The following NUP188 variants were observed in gnomAD, a reference collection of about 807,000 sequenced individuals.
NUP188 encodes nucleoporin NUP188.
NUP188 carries 97 observed loss-of-function variants against 223.0 expected under a neutral mutation model. The observed-to-expected ratio is 0.43, with a 90% CI of 0.37 to 0.51. The LOEUF is 0.51. Among genes scored for constraint, NUP188 ranks in the 20% least tolerant of loss-of-function variants. The pLI, the probability that NUP188 is intolerant of heterozygous loss-of-function variation, is 0.00. For synonymous variants in NUP188, 869 were observed against 828.0 expected, an observed-to-expected ratio of 1.05 and a Z score of -0.85; for missense variants, 1,947 against 2,175.6, an observed-to-expected ratio of 0.89 and a Z score of 2.09.
At chr9:128,963,282 A>ATTT (rs1177267491) in intron 8 of NUP188, among the ~76,000 whole-genome samples, 15 of 138,770 alleles carry the variant, frequency 1.1e-4, no homozygotes, top group East Asian at 4.1e-4. Flanking sequence ...GTAAATGTAA[A>ATTT]TTTTTTTTTT....
At position 128,968,620 on chromosome 9, in the gene NUP188, G is replaced by A; in HGVS notation, c.700G>A (p.Val234Ile). ...TGAGATGGCACCCAGTGACTTACTT[G>A]TATTAACCAAGATGTTTAAAGAGCA... ...YFEMAPSDLLVLTKMFKEQGF... is the reference protein window; with the variant it reads ...YFEMAPSDLLILTKMFKEQGF... The change falls in exon 9 of 44, where the codon GTA (valine) becomes ATA (isoleucine). Residue 234 changes from valine (V) to isoleucine (I), a missense_variant. Coordinates refer to ENST00000372577, the MANE Select transcript of NUP188 (RefSeq NM_015354.3). The A allele has an allele frequency of 1.2e-6, 2 of 1,614,036 alleles. No homozygotes were observed. The highest frequency in any genetic ancestry group is 1.7e-6 in the Non-Finnish European group (2 of 1,179,912).
intron 11 of NUP188, among the ~76,000 whole-genome samples, chr9:128,971,760 G>A (rs925678985): frequency 1.3e-5 from 2 of 151,242 alleles, no homozygotes; most frequent in Non-Finnish European, 2.9e-5. Context: ...CTCAGGTTCA[G>A]CAATTATTTT....
rs760073298 is a variant in NUP188 at position 129,006,036 on chromosome 9, T to C, written c.4870-14T>C. The stretch of plus-strand genomic sequence containing the variant: ...TTCCTGTTGTCTTAGTTTTTTACCC[T>C]TGCTTCTCTTCAGCTGGACAAGAAA... On this transcript the variant is annotated splice_polypyrimidine_tract_variant and intron_variant, in intron 41 of 43. Transcript: ENST00000372577. 1 of 1,614,156 alleles carries C rather than the reference T, an allele frequency of 6.2e-7. No individual in the cohort carries two copies. Among genetic ancestry groups the C allele is most frequent in the Non-Finnish European group, 8.5e-7 (1 of 1,179,994 alleles).
At position 128,955,091 on chromosome 9, in the gene NUP188, TC is replaced by T. The variant is rs1383714010; in HGVS notation, c.162-1257del. On this transcript the variant is annotated intron_variant, in intron 3 of 43. Coordinates refer to ENST00000372577, the MANE Select transcript of NUP188 (RefSeq NM_015354.3). Reference sequence around the variant, plus strand: ...GTCTTGAACTCCTGACCTCAGGTGATCCGCCCGCCTCAGCCTCCCAAAGTGC... The same window carrying T: ...GTCTTGAACTCCTGACCTCAGGTGATCGCCCGCCTCAGCCTCCCAAAGTGC... Among the ~76,000 whole-genome samples, 6 of 151,820 alleles carry T rather than the reference TC, an allele frequency of 4.0e-5. No homozygotes were observed. The East Asian group carries it at 9.7e-4, about 25-fold the overall frequency.
At chr9:128,978,112 C>T (rs1842204035) in intron 12 of NUP188, among the ~76,000 whole-genome samples, 1 of 152,012 alleles carries the variant, frequency 6.6e-6, no homozygotes, top group African/African-American at 2.4e-5. Flanking sequence ...TGGTACACTT[C>T]TGTAACCCAG....
intron 12 of NUP188, among the ~76,000 whole-genome samples, chr9:128,978,848 T>C (rs984471639): frequency 6.6e-6 from 1 of 151,990 alleles, no homozygotes; most frequent in Non-Finnish European, 1.5e-5. Flanking sequence ...TAGCTGGGAT[T>C]ATAAGGTGTG....
chr9:128,980,085 GAAC>G (rs1360515873), intron 13 of NUP188, among the ~76,000 whole-genome samples: 1 of 152,216 alleles, frequency 6.6e-6, no homozygotes, highest in Non-Finnish European at 1.5e-5. Context: ...GCTTTGAAAA[GAAC>G]AATTTCTCAC....
rs181042342 is a variant in NUP188, at chr9:128,993,260, C to T, written c.2704C>T (p.Leu902=). 1.7e-4 allele frequency: 279 copies of T among 1,614,186 alleles called. 1 individual carries two copies. The East Asian group carries it at 5.0e-3, about 29-fold the overall frequency. Residue 902 remains leucine, a synonymous_variant, in exon 26 of 44, where the codon CTG becomes TTG. Transcript: ENST00000372577. ...NDAAAIRDAF[L]TRLQSKIEDM... ...TGCGGCTGCCATTCGTGATGCCTTCCTGACCCGATTGCAGAGCAAAATTGA... is the reference window on the plus strand; with the variant it reads ...TGCGGCTGCCATTCGTGATGCCTTCTTGACCCGATTGCAGAGCAAAATTGA...
intron 1 of NUP188, 182 bp downstream of exon 1, chr9:128,947,933 G>GA: frequency 2.2e-6 from 1 of 449,192 alleles, no homozygotes; most frequent in Non-Finnish European, 3.7e-6. Flanking sequence ...GGGATCTGAA[G>GA]AGTCTTCTTC....
At chr9:128,960,795 C>CA (rs1841937235) in intron 8 of NUP188, among the ~76,000 whole-genome samples, 1 of 151,784 alleles carries the variant, frequency 6.6e-6, no homozygotes, top group African/African-American at 2.4e-5. Flanking sequence ...ACTAAAAATA[C>CA]AAAAATTGGT....
intron 16 of NUP188, 56 bp downstream of exon 16, chr9:128,982,757 A>C (rs762729419): frequency 9.4e-6 from 15 of 1,598,628 alleles, no homozygotes; most frequent in Non-Finnish European, 1.2e-5. Context: ...ATATGCTTGG[A>C]GGATTTAGAA....
chr9:128,960,472 G>A (rs1200312265), intron 8 of NUP188, among the ~76,000 whole-genome samples: 1 of 152,002 alleles, frequency 6.6e-6, no homozygotes, highest in Admixed American at 6.6e-5. Flanking sequence ...CAAAAACACA[G>A]CTACTTAAAA....
intron 12 of NUP188, 151 bp from the exon 13 acceptor site, chr9:128,979,111 C>T: frequency 3.9e-6 from 2 of 507,878 alleles, no homozygotes; most frequent in Non-Finnish European, 3.6e-6. Flanking sequence ...ACTATGTTCC[C>T]CAGGCTGCTC....
chr9:128,952,571 T>G (rs1044304430), intron 2 of NUP188, among the ~76,000 whole-genome samples: 1 of 151,334 alleles, frequency 6.6e-6, no homozygotes, highest in Non-Finnish European at 1.5e-5. Flanking sequence ...AAAAATACAA[T>G]AATTAGCTGG....
chr9:128,987,088 A>AGAGAGAGT (rs1450678206), intron 22 of NUP188, among the ~76,000 whole-genome samples: 68 of 113,344 alleles, frequency 6.0e-4, no homozygotes, highest in South Asian at 1.6e-3. Context: ...AGAGAGAGAG[A>AGAGAGAGT]GTGTGTGTGT....
intron 30 of NUP188, among the ~76,000 whole-genome samples, chr9:128,995,881 T>C (rs1442755009): frequency 6.6e-6 from 1 of 152,226 alleles, no homozygotes; most frequent in Non-Finnish European, 1.5e-5. Context: ...TAAATACTTG[T>C]TGACTAGTCA....
In NUP188 at chr9:128,956,333, C is replaced by T; in HGVS notation, c.162-17C>T. 6.8e-7 allele frequency: 1 copy of T among 1,464,246 alleles called. No individual in the cohort carries two copies. Among genetic ancestry groups the T allele is most frequent in the Non-Finnish European group, 9.3e-7 (1 of 1,077,108 alleles). 90.7% of individuals were successfully genotyped at this position (1,464,246 alleles called of 1,614,324 possible). ...GGCTATTGAGAATGAAGAAATGATTCACTGTTCTTTTTGTAGTCCAAGTTC... is the reference window on the plus strand; with the variant it reads ...GGCTATTGAGAATGAAGAAATGATTTACTGTTCTTTTTGTAGTCCAAGTTC... On this transcript the variant is annotated splice_polypyrimidine_tract_variant and intron_variant, in intron 3 of 43. Coordinates refer to ENST00000372577, the MANE Select transcript of NUP188 (RefSeq NM_015354.3).
intron 8 of NUP188, among the ~76,000 whole-genome samples, chr9:128,963,667 T>C (rs1052318022): frequency 2.0e-5 from 3 of 152,096 alleles, no homozygotes; most frequent in African/African-American, 4.8e-5. Context: ...TATAGTAATA[T>C]CTCATTGTGG....
chr9:128,989,943 A>G (rs951688684), intron 24 of NUP188, among the ~76,000 whole-genome samples, 177 bp from the exon 25 acceptor site: 3 of 152,192 alleles, frequency 2.0e-5, no homozygotes, highest in African/African-American at 7.2e-5. Flanking sequence ...AATTCTGACT[A>G]TTCTTTTGCT....
Sources: gnomAD v4.1 joint callset for allele counts (sites outside exome capture counted in the v4.1 genomes callset) on GRCh38, gnomAD v4.1.1 for gene constraint, MANE v1.5 for transcripts, NCBI Gene and HGNC (gene_info 2026-07-23, HGNC 2026-07-21) for gene names.